Variants in PDZD2 observed in about 807,000 individuals in gnomAD.
PDZD2 encodes PDZ domain-containing protein 2.
Under a neutral mutation model 220.7 loss-of-function variants are expected in PDZD2, and 90 were observed. The ratio of observed to expected loss-of-function variants is 0.41; its 90% CI spans 0.34 to 0.49. The LOEUF (loss-of-function observed/expected upper bound fraction) is 0.49. Among genes scored for constraint, PDZD2 ranks in the 20% least tolerant of loss-of-function variants. PDZD2 has a pLI of 0.28. For missense variants in PDZD2, 3,174 were observed against 3,608.5 expected (o/e 0.88, Z 3.08); for synonymous variants, 1,375 against 1,450.5 (o/e 0.95, Z 1.18).
At chr5:31,999,942 A>G (rs1045492558) in intron 4 of PDZD2, among the ~76,000 whole-genome samples, 197 bp from the exon 5 acceptor site, 2 of 152,154 alleles carry the variant, frequency 1.3e-5, no homozygotes, top group Admixed American at 1.3e-4. Flanking sequence ...GCCTGAAATC[A>G]TGGAGGGAAT....
intron 14 of PDZD2, among the ~76,000 whole-genome samples, chr5:32,069,144 T>C (rs371521726): frequency 2.6e-5 from 4 of 151,398 alleles, no homozygotes; most frequent in African/African-American, 9.7e-5. Context: ...TGCGCGCCTA[T>C]AGTCCCAGCT....
chr5:31,975,738 A>G (rs1393157230), intron 2 of PDZD2, among the ~76,000 whole-genome samples: 1 of 151,548 alleles, frequency 6.6e-6, no homozygotes, highest in Non-Finnish European at 1.5e-5. Flanking sequence ...TTTATTAGCA[A>G]AGAAATCGAT....
chr5:31,822,448 GTT>G, intron 2 of PDZD2: 1 of 336,062 alleles, frequency 3.0e-6, no homozygotes, highest in Non-Finnish European at 5.7e-6. Context: ...TTTTTTTATA[GTT>G]TTTTTTTTCC....
chr5:31,662,086 A>G (rs556245037), intron 1 of PDZD2, among the ~76,000 whole-genome samples: 1 of 152,040 alleles, frequency 6.6e-6, no homozygotes, highest in Admixed American at 6.6e-5. Flanking sequence ...TGAGGTGGGC[A>G]GATCACCTGA....
At position 31,834,075 on chromosome 5, in the gene PDZD2, G is replaced by T. The variant is rs536434442; in HGVS notation, c.476+34351G>T. On this transcript the variant is annotated intron_variant, in intron 2 of 24. Coordinates refer to ENST00000438447, the MANE Select transcript of PDZD2 (RefSeq NM_178140.4). ...CTGGACATTTATAGGCCATTTTCTTGGATGATGAATTCTGTTTAATACAAA... is the reference window on the plus strand; with the variant it reads ...CTGGACATTTATAGGCCATTTTCTTTGATGATGAATTCTGTTTAATACAAA... Among the ~76,000 whole-genome samples the T allele has an allele frequency of 4.7e-4, 72 of 152,328 alleles. 2 individuals are homozygous for T. The South Asian group carries it at 0.015, about 32-fold the overall frequency.
At chr5:31,924,242 C>T (rs781448872) in intron 2 of PDZD2, among the ~76,000 whole-genome samples, 71 of 152,160 alleles carry the variant, frequency 4.7e-4, no homozygotes, top group Non-Finnish European at 7.2e-4. Flanking sequence ...ACTTGGCTGC[C>T]GTCCTTCCCA....
intron 24 of PDZD2, among the ~76,000 whole-genome samples, chr5:32,105,370 A>T (rs141475789): frequency 6.6e-6 from 1 of 152,334 alleles, no homozygotes; most frequent in African/African-American, 2.4e-5. Flanking sequence ...AAAAATAAAA[A>T]ATCTCATACT....
At chr5:31,807,843 G>A (rs560228937) in intron 2 of PDZD2, among the ~76,000 whole-genome samples, 1 of 152,308 alleles carries the variant, frequency 6.6e-6, no homozygotes, top group Non-Finnish European at 1.5e-5. Context: ...AATTGGTACG[G>A]AAGTATGACA....
At position 32,053,867 on chromosome 5, in the gene PDZD2, C is replaced by T. The variant is rs754199194; in HGVS notation, c.1884C>T (p.Asp628=). The T allele has an allele frequency of 1.8e-5, 28 of 1,598,428 alleles. No homozygotes were observed. Among genetic ancestry groups the T allele is most frequent in the Admixed American group, 8.3e-5 (5 of 59,958 alleles). The change falls in exon 10 of 25, where the codon GAC becomes GAT. Residue 628 remains aspartate (D), a synonymous_variant. Transcript: ENST00000438447. ...TCCCAAATGGATCAGCTGCAGAGGA[C>T]GGAAGACTTAAAGAAGGTAGGGGAA... ...TIFPNGSAAE[D]GRLKEGDEIL... is the part of the protein sequence containing the mutation.
chr5:31,858,863 C>T lies in PDZD2; in HGVS notation c.476+59139C>T, dbSNP rs796979743. Reference sequence around the variant, plus strand: ...CCTCCCAAGTAGCTGGGACCACAGGCATGCATCACCTTGCCCAGCTAATTT... The same window carrying T: ...CCTCCCAAGTAGCTGGGACCACAGGTATGCATCACCTTGCCCAGCTAATTT... On this transcript the variant is annotated intron_variant, in intron 2 of 24. Coordinates refer to ENST00000438447, the MANE Select transcript of PDZD2 (RefSeq NM_178140.4). 1.8e-4 allele frequency among the ~76,000 whole-genome samples: 28 copies of T among 152,198 alleles called. No homozygotes were observed. In the East Asian group the frequency reaches 2.1e-3, roughly 12 times the overall value.
chr5:31,694,808 G>A (rs1220762720), intron 1 of PDZD2, among the ~76,000 whole-genome samples: 4 of 77,326 alleles, frequency 5.2e-5, no homozygotes, highest in African/African-American at 9.0e-5. Flanking sequence ...TTTTTTTTTT[G>A]TGAAAGCAAG....
At chr5:32,024,703 A>AAAAAGAAAG (rs1561378496) in intron 6 of PDZD2, among the ~76,000 whole-genome samples, 15 of 140,258 alleles carry the variant, frequency 1.1e-4, no homozygotes, top group Admixed American at 1.4e-4. Flanking sequence ...AGAAAGAAAA[A>AAAAAGAAAG]AAAGAAAAGG....
chr5:31,962,651 C>T (rs557002669), intron 2 of PDZD2, among the ~76,000 whole-genome samples: 1 of 152,262 alleles, frequency 6.6e-6, no homozygotes, highest in East Asian at 1.9e-4. Flanking sequence ...GCATAAAGCT[C>T]CAATCTGCAC....
intron 2 of PDZD2, among the ~76,000 whole-genome samples, chr5:31,836,343 T>C (rs1756940951): frequency 6.6e-6 from 1 of 151,646 alleles, no homozygotes; most frequent in African/African-American, 2.4e-5. Flanking sequence ...GCAATTCTCT[T>C]GCCTCAGCCT....
At chr5:31,788,492 C>T (rs1490850901) in intron 1 of PDZD2, among the ~76,000 whole-genome samples, 3 of 152,032 alleles carry the variant, frequency 2.0e-5, no homozygotes, top group South Asian at 4.1e-4. Context: ...GGTGAAACCC[C>T]GTCTCTACTA....
chr5:31,954,752 C>A (rs1747504722), intron 2 of PDZD2, among the ~76,000 whole-genome samples: 1 of 152,060 alleles, frequency 6.6e-6, no homozygotes, highest in Admixed American at 6.6e-5. Flanking sequence ...CATGGTGAAA[C>A]CCCGTCTCTA....
chr5:31,675,970 G>A (rs1746396592), intron 1 of PDZD2, among the ~76,000 whole-genome samples: 1 of 152,154 alleles, frequency 6.6e-6, no homozygotes, highest in South Asian at 2.1e-4. Context: ...CCAAAGTGTT[G>A]GGATTACAGG....
intron 1 of PDZD2, among the ~76,000 whole-genome samples, chr5:31,750,505 T>A (rs1750889133): frequency 6.6e-6 from 1 of 152,136 alleles, no homozygotes; most frequent in African/African-American, 2.4e-5. Context: ...AGACAAAGCA[T>A]GAACACAATG....
At chr5:31,731,842 A>C (rs1749553058) in intron 1 of PDZD2, among the ~76,000 whole-genome samples, 1 of 152,298 alleles carries the variant, frequency 6.6e-6, no homozygotes, top group African/African-American at 2.4e-5. Flanking sequence ...TGAATAACTT[A>C]TCAGTTCATT....
Sources: gnomAD v4.1 joint callset for allele counts (sites outside exome capture counted in the v4.1 genomes callset) on GRCh38, gnomAD v4.1.1 for gene constraint, MANE v1.5 for transcripts, NCBI Gene and HGNC (gene_info 2026-07-23, HGNC 2026-07-21) for gene names.